Variants in STAG2 observed in about 807,000 individuals in gnomAD.
The protein encoded by STAG2 is STAG2 cohesin complex component.
Under a neutral mutation model 108.1 loss-of-function variants are expected in STAG2, and 14 were observed. The observed-to-expected ratio is 0.13, with a 90% confidence interval of 0.09 to 0.20. STAG2 has a LOEUF of 0.20. Among genes scored for constraint, STAG2 ranks in the 10% least tolerant of loss-of-function variants. STAG2 has a pLI of 1.00. For synonymous variants in STAG2, 307 were observed against 302.7 expected (o/e 1.01, Z -0.15); for missense variants, 440 against 940.9 (o/e 0.47, Z 6.96).
rs140287030 is a variant in STAG2, at chrX:124,020,829, A to T, written c.-162-538A>T. On this transcript the variant is annotated intron_variant, in intron 1 of 34. Transcript: ENST00000371145. ...TGGGACTACAGGTGTGCACCAACAC[A>T]CGAGGCTAATTTTTGTATTTTTAGT... Among the ~76,000 whole-genome samples the T allele has an allele frequency of 2.0e-4, 23 of 112,332 alleles. No homozygotes were observed. The East Asian group carries it at 5.6e-3, about 27-fold the overall frequency.
intron 25 of STAG2, among the ~76,000 whole-genome samples, chrX:124,072,249 C>G (rs891806039): frequency 2.7e-5 from 3 of 111,533 alleles, no homozygotes; most frequent in Non-Finnish European, 5.6e-5. Flanking sequence ...AAGTGATCTT[C>G]TTGCCTCGGC....
At chrX:124,064,941 A>C (rs1365324996) in intron 20 of STAG2, among the ~76,000 whole-genome samples, 1 of 111,636 alleles carries the variant, frequency 9.0e-6, no homozygotes, top group Non-Finnish European at 1.9e-5. Context: ...ATAAAAATTC[A>C]TAATTGTCAA....
At chrX:124,093,702 C>G (rs1209836457) in intron 32 of STAG2, among the ~76,000 whole-genome samples, 3 of 110,711 alleles carry the variant, frequency 2.7e-5, no homozygotes, top group African/African-American at 9.9e-5. Flanking sequence ...ACCCTGCCTA[C>G]TTTCAAAAAG....
chrX:124,034,377 T>C (rs937685489), intron 5 of STAG2, among the ~76,000 whole-genome samples: 1 of 111,899 alleles, frequency 8.9e-6, no homozygotes, highest in Non-Finnish European at 1.9e-5. Context: ...AGAGAATGTC[T>C]GCACTGTCTT....
intron 30 of STAG2, among the ~76,000 whole-genome samples, chrX:124,087,000 A>G (rs1259323943): frequency 8.9e-6 from 1 of 112,559 alleles, no homozygotes; most frequent in Non-Finnish European, 1.9e-5. Context: ...CAGAGAGGTT[A>G]AGTAACATAC....
intron 29 of STAG2, among the ~76,000 whole-genome samples, chrX:124,085,491 A>C (rs922661846): frequency 9.0e-6 from 1 of 111,412 alleles, no homozygotes; most frequent in Non-Finnish European, 1.9e-5. Context: ...ATTGTAATAC[A>C]GAAAGACATA....
At chrX:124,065,459 G>A (rs768913197) in intron 20 of STAG2, among the ~76,000 whole-genome samples, 4 of 111,437 alleles carry the variant, frequency 3.6e-5, no homozygotes, top group Non-Finnish European at 5.7e-5. Flanking sequence ...GTTTTTCCCT[G>A]TTTATCTGTG....
chrX:123,989,356 C>T (rs2055337363), intron 1 of STAG2, among the ~76,000 whole-genome samples: 1 of 111,016 alleles, frequency 9.0e-6, no homozygotes, highest in Non-Finnish European at 1.9e-5. Context: ...TAGAAATTTC[C>T]TAATCATAAA....
chrX:123,972,875 A>AAAAAAAAAAAAAAAAAAAAAAAAAC (rs2054431256), intron 1 of STAG2, among the ~76,000 whole-genome samples: 1 of 96,794 alleles, frequency 1.0e-5, no homozygotes, highest in Non-Finnish European at 2.1e-5. Context: ...ACAAAAAAAA[A>AAAAAAAAAAAAAAAAAAAAAAAAAC]AAAAAAAAAA....
At chrX:124,064,753 T>C (rs989971039) in intron 20 of STAG2, among the ~76,000 whole-genome samples, 15 of 111,547 alleles carry the variant, frequency 1.3e-4, no homozygotes, top group African/African-American at 3.6e-4. Flanking sequence ...TGGGTTTTGA[T>C]ATTATAAAAC....
At chrX:123,980,897 CTT>C (rs1019159210) in intron 1 of STAG2, among the ~76,000 whole-genome samples, 1 of 110,249 alleles carries the variant, frequency 9.1e-6, no homozygotes, top group Non-Finnish European at 1.9e-5. Context: ...AAAAGGAAAA[CTT>C]TTTTTTTCTT....
intron 1 of STAG2, among the ~76,000 whole-genome samples, chrX:124,014,044 A>G (rs1404914964): frequency 9.0e-6 from 1 of 111,624 alleles, no homozygotes; most frequent in Non-Finnish European, 1.9e-5. Context: ...AGTTGTGGTG[A>G]TGGCTCGAGT....
At chrX:124,050,900 C>T (rs2058019161) in intron 11 of STAG2, among the ~76,000 whole-genome samples, 1 of 111,136 alleles carries the variant, frequency 9.0e-6, no homozygotes, top group Non-Finnish European at 1.9e-5. Flanking sequence ...AAAAATTATC[C>T]TTTGAACTAC....
intron 32 of STAG2, among the ~76,000 whole-genome samples, chrX:124,093,472 C>CTTT (rs56165276): frequency 2.4e-5 from 2 of 82,309 alleles, no homozygotes; most frequent in African/African-American, 4.5e-5. Flanking sequence ...TCTTATTCAT[C>CTTT]TTTTTTTTTT....
chrX:123,995,619 G>A (rs192658269), intron 1 of STAG2, among the ~76,000 whole-genome samples: 1 of 110,528 alleles, frequency 9.0e-6, no homozygotes. Flanking sequence ...GCGTGAACCC[G>A]GGAGGCAGAG....
chrX:124,046,814 GT>G (rs1374066980), intron 8 of STAG2, among the ~76,000 whole-genome samples: 1 of 111,718 alleles, frequency 9.0e-6, no homozygotes. Flanking sequence ...CATCAGTCAT[GT>G]TATAGAGTAA....
intron 4 of STAG2, among the ~76,000 whole-genome samples, chrX:124,026,191 C>T (rs1314465864): frequency 1.9e-5 from 2 of 107,345 alleles, no homozygotes; most frequent in African/African-American, 6.7e-5. Context: ...TAGTTTATTT[C>T]GTAAAGCACA....
At chrX:123,998,490 T>G (rs905366614) in intron 1 of STAG2, among the ~76,000 whole-genome samples, 1 of 107,542 alleles carries the variant, frequency 9.3e-6, no homozygotes, top group African/African-American at 3.4e-5. Context: ...TATGTGTTTT[T>G]TTTTTTTTTA....
intron 18 of STAG2, 37 bp from the exon 19 acceptor site, chrX:124,063,076 CTTA>C: frequency 8.5e-7 from 1 of 1,172,007 alleles, no homozygotes; most frequent in Non-Finnish European, 1.2e-6. Context: ...ATAATGCTTT[CTTA>C]TTGTGATATT....
Sources: gnomAD v4.1 joint callset for allele counts (sites outside exome capture counted in the v4.1 genomes callset) on GRCh38, gnomAD v4.1.1 for gene constraint, MANE v1.5 for transcripts, NCBI Gene and HGNC (gene_info 2026-07-23, HGNC 2026-07-21) for gene names.